Variants in NUDT22 observed in about 807,000 individuals in gnomAD.
NUDT22 encodes the protein nudix hydrolase 22.
Under a neutral mutation model 28.8 loss-of-function variants are expected in NUDT22, and 23 were observed. The observed-to-expected ratio is 0.80, with a 90% CI of 0.58 to 1.13. The LOEUF (loss-of-function observed/expected upper bound fraction) is 1.13. NUDT22 is among the 50% of genes most tolerant of loss of function. The pLI, the probability that NUDT22 is intolerant of heterozygous loss-of-function variation, is 0.00. For synonymous variants in NUDT22, 175 were observed against 173.7 expected (o/e 1.01, Z -0.06); for missense variants, 358 against 387.3 (o/e 0.92, Z 0.64).
intron 1 of NUDT22, 44 bp downstream of exon 1, chr11:64,226,471 C>T: frequency 7.1e-7 from 1 of 1,414,222 alleles, no homozygotes; most frequent in Non-Finnish European, 9.2e-7. Context: ...GGACTCGGGG[C>T]TCCTGCGGGG....
At position 64,229,356 on chromosome 11, in the gene NUDT22, C is replaced by T. The variant is rs117427483; in HGVS notation, c.677+12C>T. On this transcript the variant is annotated intron_variant, in intron 4 of 5. Coordinates refer to ENST00000279206, the MANE Select transcript of NUDT22 (RefSeq NM_032344.4). The stretch of plus-strand genomic sequence containing the variant: ...GAGTTCTATGTCCAGTGAGTAGGCT[C>T]GGGTACATGATCCTGGGTCTTGGGA... 756 of 1,612,576 alleles carry T rather than the reference C, an allele frequency of 4.7e-4. 7 individuals carry two copies. The East Asian group carries it at 0.012, about 27-fold the overall frequency.
At position 64,229,579 on chromosome 11, in the gene NUDT22, G is replaced by A; in HGVS notation, c.771+8G>A. 1 of 1,613,188 alleles carries A rather than the reference G, an allele frequency of 6.2e-7. No individual in the cohort carries two copies. The highest frequency in any genetic ancestry group is 8.5e-7 in the Non-Finnish European group (1 of 1,179,182). ...TTCTTTGTGGAGACACAGGTGCAGA[G>A]TGACAAACCATCTTGCTTGGAGGCC... On this transcript the variant is annotated splice_region_variant and intron_variant, in intron 5 of 5. Coordinates refer to ENST00000279206, the MANE Select transcript of NUDT22 (RefSeq NM_032344.4).
chr11:64,226,283 G>A lies in NUDT22; in HGVS notation c.-163G>A, dbSNP rs1401476953. 9.5e-6 allele frequency: 7 copies of A among 739,744 alleles called. No individual in the cohort carries two copies. In the East Asian group the frequency reaches 1.8e-4, roughly 19 times the overall value. The allele number at this position is 739,744 out of a possible 1,614,324, so 45.8% of individuals were successfully genotyped here. The stretch of plus-strand genomic sequence containing the variant: ...GCTTCGGGGAAGGGGCGGAGCCTGA[G>A]GGACCCGGCGGCTGGTGAGCGCCCG... On this transcript the variant is annotated 5_prime_UTR_variant, in exon 1 of 6. Coordinates refer to ENST00000279206, the MANE Select transcript of NUDT22 (RefSeq NM_032344.4).
In NUDT22 at chr11:64,227,016, G is replaced by A; in HGVS notation, c.364G>A (p.Gly122Arg). ...GCAGGCCTATCTGGCGGACCCACTG[G>A]GGGTGGGCGCTGCACTAGCCACAGC... ...DTQAYLADPL[G>R]VGAALATADD... Residue 122 changes from glycine (G) to arginine (R), a missense_variant, in exon 2 of 6, where the codon GGG becomes AGG. Gly to Arg is a moderately radical substitution (Grantham distance 125, BLOSUM62 -2). Transcript: ENST00000279206. The A allele has an allele frequency of 6.2e-7, 1 of 1,603,056 alleles. No individual in the cohort carries two copies.
chr11:64,229,565 G>A lies in NUDT22; in HGVS notation c.765G>A (p.Glu255=). 6.2e-7 allele frequency: 1 copy of A among 1,613,992 alleles called. No homozygotes were observed. Among genetic ancestry groups the A allele is most frequent in the Non-Finnish European group, 8.5e-7 (1 of 1,179,874 alleles). ...AHESTGIFFV[E]TQNVQRLLET... The stretch of plus-strand genomic sequence containing the variant: ...AGTCTACAGGAATCTTCTTTGTGGA[G>A]ACACAGGTGCAGAGTGACAAACCAT... The change falls in exon 5 of 6, where the codon GAG becomes GAA. Residue 255 remains glutamate, a synonymous_variant. Transcript: ENST00000279206.
Position 64,226,746 on chromosome 11 carries a change from C to A in NUDT22, c.94C>A (p.Arg32Ser). The A allele has an allele frequency of 6.2e-7, 1 of 1,610,490 alleles. No homozygotes were observed. Among genetic ancestry groups the A allele is most frequent in the Non-Finnish European group, 8.5e-7 (1 of 1,179,962 alleles). Residue 32 changes from arginine to serine, a missense_variant, in exon 2 of 6, where the codon CGC (arginine) becomes AGC (serine). Arg to Ser is a moderately radical substitution (Grantham distance 110). Coordinates refer to ENST00000279206, the MANE Select transcript of NUDT22 (RefSeq NM_032344.4). ...CGAGCTGAGCCCCGCCCATGACCGTCGCCCACTGCCAGGTGGGGACGAGGC... is the reference window on the plus strand; with the variant it reads ...CGAGCTGAGCCCCGCCCATGACCGTAGCCCACTGCCAGGTGGGGACGAGGC... Reference protein sequence around the residue: ...QAELSPAHDRRPLPGGDEAIT... With the variant: ...QAELSPAHDRSPLPGGDEAIT...
intron 5 of NUDT22, 103 bp downstream of exon 5, chr11:64,229,674 C>T (rs1166412745): frequency 7.3e-7 from 1 of 1,369,272 alleles, no homozygotes; most frequent in East Asian, 2.3e-5. Context: ...TCACAATTCC[C>T]TCCAGAGTCA....
At chr11:64,227,793 C>T in intron 3 of NUDT22, 127 bp downstream of exon 3, 1 of 700,472 alleles carries the variant, frequency 1.4e-6, no homozygotes. Context: ...AAGAAGTTGG[C>T]TTTGCAGCTA....
chr11:64,229,645 A>C (rs544238638), intron 5 of NUDT22, 74 bp downstream of exon 5: 2 of 1,440,372 alleles, frequency 1.4e-6, no homozygotes, highest in African/African-American at 2.8e-5. Context: ...CATATCTTGT[A>C]GGGGAGGTGT....
intron 3 of NUDT22, 50 bp downstream of exon 3, chr11:64,227,716 G>C: frequency 6.8e-7 from 1 of 1,470,362 alleles, no homozygotes; most frequent in Non-Finnish European, 9.5e-7. Flanking sequence ...GGAGGGGGTA[G>C]GACTTGCCAG....
chr11:64,229,505 G>A lies in NUDT22; in HGVS notation c.705G>A (p.Arg235=), dbSNP rs769330655. 1.2e-6 allele frequency: 2 copies of A among 1,614,192 alleles called. No homozygotes were observed. Among genetic ancestry groups the A allele is most frequent in the Non-Finnish European group, 1.7e-6 (2 of 1,180,012 alleles). Residue 235 remains arginine, a synonymous_variant, in exon 5 of 6, where the codon AGG becomes AGA. Coordinates refer to ENST00000279206, the MANE Select transcript of NUDT22 (RefSeq NM_032344.4). ...GCAGCCTGACTTCTGAGCAGGTGAG[G>A]AAGCACTACCTGAGTGGGGGACCCG... ...VQCSLTSEQV[R]KHYLSGGPEA...
downstream of NUDT22, chr11:64,230,176 G>C (rs1020062957): frequency 7.9e-6 from 6 of 755,284 alleles, no homozygotes; most frequent in East Asian, 1.6e-4. Context: ...TTCTTTGCTG[G>C]CTCCAGAGAG....
intron 3 of NUDT22, 40 bp downstream of exon 3, chr11:64,227,706 G>A: frequency 1.3e-6 from 2 of 1,529,936 alleles, no homozygotes; most frequent in Non-Finnish European, 1.8e-6. Context: ...AGACATGAAG[G>A]GAGGGGGTAG....
In NUDT22 at chr11:64,226,803, GC is replaced by G; in HGVS notation, c.154del (p.Gln52AsnfsTer76). 6.2e-7 allele frequency: 1 copy of G among 1,610,262 alleles called. No homozygotes were observed. On this transcript the variant is annotated frameshift_variant, in exon 2 of 6. Coordinates refer to ENST00000279206, the MANE Select transcript of NUDT22 (RefSeq NM_032344.4). LOFTEE classifies it high-confidence loss of function. ...TGCCATCTGGGAGACCCGGCTAAAGGCCCAACCCTGGCTCTTCGACGCCCCC... is the reference window on the plus strand; with the variant it reads ...TGCCATCTGGGAGACCCGGCTAAAGGCCAACCCTGGCTCTTCGACGCCCCC... ...ITAIWETRLKAQPWLFDAPKF... is the reference protein window; with the variant it reads ...ITAIWETRLKXQPWLFDAPKF...
rs926467464 is a variant in NUDT22, at chr11:64,226,385, G to C, written c.-61G>C. On this transcript the variant is annotated 5_prime_UTR_variant, in exon 1 of 6. Transcript: ENST00000279206. ...TCGGAGGCAGACCCCTGGGTTTGGG[G>C]GACATGGGCATTTGGGGCGCCTGAA... 3 of 1,303,726 alleles carry C rather than the reference G, an allele frequency of 2.3e-6. No individual in the cohort carries two copies. The Admixed American group carries it at 1.1e-4, about 48-fold the overall frequency. The allele number at this position is 1,303,726 out of a possible 1,614,324, so 80.8% of individuals were successfully genotyped here. A position where few individuals can be genotyped will look rare whatever the true frequency, so the allele number is the denominator to read the frequency against.
At position 64,226,792 on chromosome 11, in the gene NUDT22, C is replaced by A; in HGVS notation, c.140C>A (p.Thr47Asn). Residue 47 changes from threonine (T) to asparagine (N), a missense_variant, in exon 2 of 6, where the codon ACC becomes AAC. Coordinates refer to ENST00000279206, the MANE Select transcript of NUDT22 (RefSeq NM_032344.4). ...GDEAITAIWE[T>N]RLKAQPWLFD... ...GAGGCCATCACTGCCATCTGGGAGA[C>A]CCGGCTAAAGGCCCAACCCTGGCTC... 1 of 1,610,508 alleles carries A rather than the reference C, an allele frequency of 6.2e-7. No homozygotes were observed. Among genetic ancestry groups the A allele is most frequent in the Non-Finnish European group, 8.5e-7 (1 of 1,179,926 alleles).
At chr11:64,228,645 C>G (rs1159992986) in intron 3 of NUDT22, 5 of 149,654 alleles carry the variant, frequency 3.3e-5, no homozygotes, top group African/African-American at 1.3e-4. Context: ...GCCTGGGCGA[C>G]AAAGCGAGAC....
chr11:64,227,832 C>CAGT lies in NUDT22; in HGVS notation c.579+168_579+170dup, dbSNP rs1947083422. On this transcript the variant is annotated intron_variant, in intron 3 of 5. Coordinates refer to ENST00000279206, the MANE Select transcript of NUDT22 (RefSeq NM_032344.4). ...ATACTTGGAGTGGAATTCTAGCCCT[C>CAGT]AGTACCCTCTGCCTTGGATTCTTCT... The CAGT allele has an allele frequency of 1.6e-5, 10 of 608,874 alleles. No individual in the cohort carries two copies. The South Asian group carries it at 2.0e-4, about 12-fold the overall frequency. 37.7% of individuals were successfully genotyped at this position (608,874 alleles called of 1,614,324 possible).
downstream of NUDT22, chr11:64,230,130 C>T: frequency 1.0e-6 from 1 of 993,182 alleles, no homozygotes. Context: ...GCCTGTGTCC[C>T]CCTCTGCAAG....
Sources: gnomAD v4.1 joint callset for allele counts on GRCh38, gnomAD v4.1.1 for gene constraint, MANE v1.5 for transcripts, NCBI Gene and HGNC (gene_info 2026-07-23, HGNC 2026-07-21) for gene names.